The following TBX19 variants were observed in gnomAD, a reference collection of about 807,000 sequenced individuals.
TBX19 encodes T-box transcription factor TBX19.
TBX19 carries 33 observed loss-of-function variants against 40.9 expected under a neutral mutation model. That is an observed-to-expected ratio of 0.81 (90% confidence interval 0.61 to 1.08). TBX19 has a LOEUF of 1.08. Ranked by LOEUF, TBX19 falls within the 50% of genes least tolerant of loss-of-function variation. The pLI is 0.00. For synonymous variants in TBX19, 220 were observed against 225.0 expected, an observed-to-expected ratio of 0.98 and a Z score of 0.20; for missense variants, 494 against 574.0, an observed-to-expected ratio of 0.86 and a Z score of 1.42.
chr1:168,312,077 G>A (rs543073315), intron 7 of TBX19, among the ~76,000 whole-genome samples: 3 of 152,296 alleles, frequency 2.0e-5, no homozygotes, highest in South Asian at 4.1e-4. Flanking sequence ...GCTCACAGGC[G>A]GAGACCAGGA....
intron 3 of TBX19, among the ~76,000 whole-genome samples, chr1:168,294,317 T>G (rs2102355388): frequency 6.6e-6 from 1 of 151,578 alleles, no homozygotes; most frequent in South Asian, 2.1e-4. Flanking sequence ...AATGGACATT[T>G]AAGTTGTTTC....
chr1:168,285,055 C>G (rs1238753113), intron 1 of TBX19, among the ~76,000 whole-genome samples: 2 of 152,146 alleles, frequency 1.3e-5, no homozygotes, highest in African/African-American at 4.8e-5. Context: ...CATGTCCCTA[C>G]AGCCCATGGG....
intron 1 of TBX19, among the ~76,000 whole-genome samples, chr1:168,289,671 G>A (rs1004833559): frequency 6.6e-6 from 1 of 152,210 alleles, no homozygotes; most frequent in Non-Finnish European, 1.5e-5. Context: ...CACTGAGTTA[G>A]TTCATGCAAA....
At chr1:168,295,341 G>A (rs1466846272) in intron 3 of TBX19, among the ~76,000 whole-genome samples, 2 of 152,140 alleles carry the variant, frequency 1.3e-5, no homozygotes, top group Admixed American at 1.3e-4. Flanking sequence ...TTATTTGGAA[G>A]CTTTAAAGAC....
chr1:168,297,304 C>T (rs888031882), intron 3 of TBX19, among the ~76,000 whole-genome samples: 2 of 152,168 alleles, frequency 1.3e-5, no homozygotes, highest in Admixed American at 6.5e-5. Context: ...GTGCTGCTCT[C>T]CACTGTGTAC....
At chr1:168,303,486 A>C (rs1158231232) in intron 5 of TBX19, among the ~76,000 whole-genome samples, 1 of 152,206 alleles carries the variant, frequency 6.6e-6, no homozygotes, top group Non-Finnish European at 1.5e-5. Context: ...GGTTGCACAA[A>C]AAGATGTTAC....
At chr1:168,305,245 G>A in intron 6 of TBX19, 49 bp downstream of exon 6, 1 of 1,578,764 alleles carries the variant, frequency 6.3e-7, no homozygotes, top group Non-Finnish European at 8.6e-7. Flanking sequence ...TGGGGTGGGG[G>A]CAGTCAGGAG....
At position 168,298,901 on chromosome 1, in the gene TBX19, C is replaced by A. The variant is rs141504166; in HGVS notation, c.665+1116C>A. The stretch of plus-strand genomic sequence containing the variant: ...TTTCTTTCTTTCTTTCTTTCTTTCT[C>A]TCTCTCTCTCTTTCTTTCATTCTTC... On this transcript the variant is annotated intron_variant, in intron 4 of 7. Coordinates refer to ENST00000367821, the MANE Select transcript of TBX19 (RefSeq NM_005149.3). Among the ~76,000 whole-genome samples, 2 of 110,128 alleles carry A rather than the reference C, an allele frequency of 1.8e-5. 1 individual carries two copies. Among genetic ancestry groups the A allele is most frequent in the South Asian group, 7.3e-4 (2 of 2,736 alleles). 72.2% of individuals were successfully genotyped at this position (110,128 alleles called of 152,430 possible).
chr1:168,300,568 G>A, intron 5 of TBX19, 85 bp downstream of exon 5: 1 of 1,296,736 alleles, frequency 7.7e-7, no homozygotes, highest in Admixed American at 1.8e-5. Flanking sequence ...TTGCCTGTCA[G>A]GACTGCTTAA....
chr1:168,290,676 G>A (rs927506426), intron 1 of TBX19, among the ~76,000 whole-genome samples: 5 of 152,102 alleles, frequency 3.3e-5, no homozygotes, highest in African/African-American at 9.7e-5. Flanking sequence ...TCAGCCTCCC[G>A]AATAACTGGG....
At chr1:168,282,460 G>A (rs74815500) in intron 1 of TBX19, among the ~76,000 whole-genome samples, 5,701 of 152,204 alleles carry the variant, frequency 0.037, 150 homozygotes, top group East Asian at 0.089. Context: ...AAGAAATTGC[G>A]ATTATACCAG....
chr1:168,299,474 T>A (rs12047118), intron 4 of TBX19, among the ~76,000 whole-genome samples: 4,121 of 152,200 alleles, frequency 0.027, 150 homozygotes, highest in South Asian at 0.14. Flanking sequence ...AATATTTGAA[T>A]ATATTATTAT....
chr1:168,293,316 T>A, intron 3 of TBX19, 38 bp downstream of exon 3: 1 of 1,572,744 alleles, frequency 6.4e-7, no homozygotes, highest in Non-Finnish European at 8.6e-7. Flanking sequence ...TGTGTGTGTG[T>A]GTGTGTGTGT....
chr1:168,294,675 T>C (rs1649056237), intron 3 of TBX19, among the ~76,000 whole-genome samples: 1 of 152,162 alleles, frequency 6.6e-6, no homozygotes, highest in Non-Finnish European at 1.5e-5. Flanking sequence ...GTAATTTTTG[T>C]ATTTTTAGTA....
chr1:168,293,061 C>T (rs7520743), intron 2 of TBX19, 83 bp from the exon 3 acceptor site: 896,609 of 1,593,500 alleles, frequency 0.56, 261,193 homozygotes, highest in Non-Finnish European at 0.61. Context: ...AAGCTTGGGA[C>T]CAACTGGAGA....
intron 3 of TBX19, among the ~76,000 whole-genome samples, 199 bp downstream of exon 3, chr1:168,293,477 C>T (rs1649006854): frequency 6.6e-6 from 1 of 152,142 alleles, no homozygotes; most frequent in African/African-American, 2.4e-5. Flanking sequence ...GCTAAAGGCT[C>T]ACCAGCATGT....
At chr1:168,293,101 G>C (rs370440834) in intron 2 of TBX19, 43 bp from the exon 3 acceptor site, 69 of 1,609,824 alleles carry the variant, frequency 4.3e-5, no homozygotes, top group Non-Finnish European at 5.4e-5. Flanking sequence ...TGCGATACAC[G>C]GGGCTTTGCT....
At chr1:168,299,441 C>T (rs1171475864) in intron 4 of TBX19, among the ~76,000 whole-genome samples, 1 of 152,098 alleles carries the variant, frequency 6.6e-6, no homozygotes, top group East Asian at 1.9e-4. Flanking sequence ...CATAATGATG[C>T]ATCACATGAC....
At chr1:168,288,459 T>G (rs1453939725) in intron 1 of TBX19, among the ~76,000 whole-genome samples, 2 of 152,144 alleles carry the variant, frequency 1.3e-5, no homozygotes, top group African/African-American at 4.8e-5. Flanking sequence ...TCCCAGCACT[T>G]TGGGAGGCTG....
Sources: gnomAD v4.1 joint callset for allele counts (sites outside exome capture counted in the v4.1 genomes callset) on GRCh38, gnomAD v4.1.1 for gene constraint, MANE v1.5 for transcripts, NCBI Gene and HGNC (gene_info 2026-07-23, HGNC 2026-07-21) for gene names.